Variants in NF1 observed in about 807,000 individuals in gnomAD.
NF1 encodes neurofibromin.
A neutral mutation model predicts 325.7 loss-of-function variants in NF1; 122 were observed. The ratio of observed to expected loss-of-function variants is 0.37; its 90% CI spans 0.32 to 0.44. NF1 has a LOEUF of 0.44. Among genes scored for constraint, NF1 ranks in the 20% least tolerant of loss-of-function variants. The probability of loss-of-function intolerance (pLI) is 1.00; values close to 1 mark genes in which losing one functional copy is unlikely to be tolerated. For missense variants in NF1, 2,140 were observed against 3,415.4 expected, an observed-to-expected ratio of 0.63 and a Z score of 9.31; for synonymous variants, 1,091 against 1,186.0, an observed-to-expected ratio of 0.92 and a Z score of 1.65.
chr17:31,305,795 G>A (rs1412395627), intron 36 of NF1, among the ~76,000 whole-genome samples: 2 of 152,186 alleles, frequency 1.3e-5, no homozygotes, highest in African/African-American at 4.8e-5. Context: ...TTGATACACT[G>A]TAGGTTTGGT....
At chr17:31,111,462 C>G (rs1913408279) in intron 1 of NF1, among the ~76,000 whole-genome samples, 1 of 152,084 alleles carries the variant, frequency 6.6e-6, no homozygotes, top group Non-Finnish European at 1.5e-5. Context: ...CTTAATGGAA[C>G]TGTTGAAAAC....
intron 5 of NF1, among the ~76,000 whole-genome samples, chr17:31,176,390 G>GTA (rs1455426061): frequency 2.0e-5 from 3 of 152,108 alleles, no homozygotes; most frequent in South Asian, 2.1e-4. Flanking sequence ...TAAGTTCTTT[G>GTA]TAGGTTCTGG....
intron 35 of NF1, among the ~76,000 whole-genome samples, chr17:31,264,235 C>CTAAA (rs2067746076): frequency 6.6e-6 from 1 of 151,964 alleles, no homozygotes; most frequent in Non-Finnish European, 1.5e-5. Flanking sequence ...CCCATCTCTA[C>CTAAA]TAAATAAATA....
At position 31,262,794 on chromosome 17, in the gene NF1, G is replaced by T. The variant is rs1365178129; in HGVS notation, c.4724+937G>T. Among the ~76,000 whole-genome samples the T allele has an allele frequency of 9.9e-5, 15 of 151,980 alleles. No homozygotes were observed. In the Middle Eastern group the frequency reaches 0.01, roughly 103 times the overall value. The stretch of plus-strand genomic sequence containing the variant: ...TTTTAGCTCTACTAGATTTTTTTTA[G>T]TGTAACAAATGTTTATTCCTATGTA... On this transcript the variant is annotated intron_variant, in intron 35 of 57. Transcript: ENST00000358273.
Position 31,357,347 on chromosome 17 carries a change from T to G in NF1, c.7948T>G (p.Phe2650Val), listed in dbSNP as rs1341554037. ...ATACTTAGCAGAGGCCAGTGTTGTG[T>G]TTCCCAAAGTCTTTCCTGTTGTGTA... ...YEYLAEASVV[F>V]PKVFPVVHNL... is the part of the protein sequence containing the mutation. The change falls in exon 54 of 58, where the codon TTT (phenylalanine) becomes GTT (valine). Residue 2650 changes from phenylalanine to valine, a missense_variant. Around this residue, in one of 10 missense-constraint regions of NF1, gnomAD observed 522 missense variants for 749.0 expected, o/e 0.70. Transcript: ENST00000358273. 1 of 1,613,646 alleles carries G rather than the reference T, an allele frequency of 6.2e-7. No individual in the cohort carries two copies. The highest frequency in any genetic ancestry group is 1.3e-5 in the African/African-American group (1 of 74,930).
chr17:31,352,790 T>C (rs1413689926), intron 51 of NF1, among the ~76,000 whole-genome samples: 2 of 152,220 alleles, frequency 1.3e-5, no homozygotes, highest in African/African-American at 4.8e-5. Flanking sequence ...CCCAAAATTA[T>C]CATCTGAGAG....
At chr17:31,358,343 C>T in intron 54 of NF1, 137 bp from the exon 55 acceptor site, 2 of 858,646 alleles carry the variant, frequency 2.3e-6, no homozygotes, top group East Asian at 5.3e-5. Flanking sequence ...TGAAGAAATG[C>T]CCCAGAAAGT....
intron 34 of NF1, among the ~76,000 whole-genome samples, 179 bp from the exon 35 acceptor site, chr17:31,261,532 G>A (rs929630831): frequency 6.6e-6 from 1 of 152,102 alleles, no homozygotes; most frequent in African/African-American, 2.4e-5. Flanking sequence ...AAATGACAGG[G>A]CATTTTAATC....
At chr17:31,220,484 T>A (rs1177105818) in intron 14 of NF1, among the ~76,000 whole-genome samples, 1 of 152,184 alleles carries the variant, frequency 6.6e-6, no homozygotes, top group Non-Finnish European at 1.5e-5. Context: ...AGGAAAAAGC[T>A]GCACACATAG....
At position 31,104,292 on chromosome 17, in the gene NF1, TATTA is replaced by T. The variant is rs1912654769; in HGVS notation, c.60+8929_60+8932del. 2.0e-5 allele frequency among the ~76,000 whole-genome samples: 3 copies of T among 152,296 alleles called. No individual in the cohort carries two copies. The South Asian group carries it at 6.2e-4, about 32-fold the overall frequency. On this transcript the variant is annotated intron_variant, in intron 1 of 57. Coordinates refer to ENST00000358273, the MANE Select transcript of NF1 (RefSeq NM_001042492.3). ...GACATACTTTTAAGGATAAGCAGCGTATTAATTAAAAATGTGTTTTCCACTTGTG... is the reference window on the plus strand; with the variant it reads ...GACATACTTTTAAGGATAAGCAGCGTATTAAAAATGTGTTTTCCACTTGTG...
intron 1 of NF1, among the ~76,000 whole-genome samples, chr17:31,130,936 T>A (rs1915331711): frequency 6.6e-6 from 1 of 152,154 alleles, no homozygotes; most frequent in Non-Finnish European, 1.5e-5. Context: ...GTTGGAGCAC[T>A]CTGCCTGTCA....
intron 30 of NF1, chr17:31,252,013 C>T (rs2067502278): frequency 4.7e-6 from 1 of 214,076 alleles, no homozygotes; most frequent in Non-Finnish European, 9.4e-6. Flanking sequence ...TCTGCCTAGG[C>T]TAGTCCAATC....
At chr17:31,098,197 A>G (rs1315280661) in intron 1 of NF1, among the ~76,000 whole-genome samples, 7 of 151,318 alleles carry the variant, frequency 4.6e-5, no homozygotes, top group African/African-American at 9.7e-5. Flanking sequence ...CTTACGGTTG[A>G]AAATGTCTTT....
rs765060733 is a variant in NF1 at position 31,225,119 on chromosome 17, T to C, written c.1870T>C (p.Phe624Leu). Residue 624 changes from phenylalanine to leucine, a missense_variant, in exon 17 of 58, where the codon TTT becomes CTT. Phe to Leu is a conservative substitution (Grantham distance 22). Transcript: ENST00000358273. ...GCAGGCAGATAGAAGTTCCTGTCAC[T>C]TTCTCCTTTTTTACGGGGTAGGATG... ...NKQADRSSCH[F>L]LLFYGVGCDI... 2.5e-6 allele frequency: 4 copies of C among 1,613,604 alleles called. No homozygotes were observed. Among genetic ancestry groups the C allele is most frequent in the Non-Finnish European group, 3.4e-6 (4 of 1,179,732 alleles).
At chr17:31,115,081 C>A (rs2143328632) in intron 1 of NF1, among the ~76,000 whole-genome samples, 1 of 152,256 alleles carries the variant, frequency 6.6e-6, no homozygotes, top group East Asian at 1.9e-4. Context: ...AGAATAACCC[C>A]CTTCTTTGAC....
chr17:31,147,273 TC>T (rs1916645152), intron 1 of NF1, among the ~76,000 whole-genome samples: 1 of 152,224 alleles, frequency 6.6e-6, no homozygotes, highest in Non-Finnish European at 1.5e-5. Context: ...ACTTCTAAAA[TC>T]ATGGGTTGAA....
chr17:31,324,229 G>A (rs2069285933), intron 36 of NF1, among the ~76,000 whole-genome samples: 1 of 152,064 alleles, frequency 6.6e-6, no homozygotes, highest in Non-Finnish European at 1.5e-5. Context: ...ACCACGCCCA[G>A]CTAATTTTTG....
Position 31,147,005 on chromosome 17 carries a change from A to G in NF1, c.61-8978A>G, listed in dbSNP as rs375315966. Among the ~76,000 whole-genome samples, 25 of 152,356 alleles carry G rather than the reference A, an allele frequency of 1.6e-4. No homozygotes were observed. In the East Asian group the frequency reaches 2.5e-3, roughly 15 times the overall value. On this transcript the variant is annotated intron_variant, in intron 1 of 57. Transcript: ENST00000358273. ...TCAGTGTCTACCACGATTTCTCTGTATCCACCAAATGGCCAATTTGTTTTT... is the reference window on the plus strand; with the variant it reads ...TCAGTGTCTACCACGATTTCTCTGTGTCCACCAAATGGCCAATTTGTTTTT...
chr17:31,248,681 C>T (rs2151450930), intron 29 of NF1, among the ~76,000 whole-genome samples: 1 of 152,112 alleles, frequency 6.6e-6, no homozygotes, highest in Admixed American at 6.5e-5. Flanking sequence ...ATTACAGGCA[C>T]CTGACTAATT....
Sources: allele counts gnomAD v4.1 joint callset (sites outside exome capture counted in the v4.1 genomes callset), GRCh38; gene constraint gnomAD v4.1.1; regional missense constraint gnomAD v4.1.1; transcripts MANE v1.5; gene names NCBI Gene and HGNC (gene_info 2026-07-23, HGNC 2026-07-21).